Variants in WDR6 observed in about 807,000 individuals in gnomAD.
WDR6 encodes WD repeat domain 6.
WDR6 carries 58 observed loss-of-function variants against 85.6 expected under a neutral mutation model. That is an observed-to-expected ratio of 0.68 (90% confidence interval 0.55 to 0.84). WDR6 has a LOEUF of 0.84. Ranked by LOEUF, WDR6 falls within the 40% of genes least tolerant of loss-of-function variation. The probability of loss-of-function intolerance (pLI) is 0.00; values close to 1 mark genes in which losing one functional copy is unlikely to be tolerated. For missense variants in WDR6, 1,310 were observed against 1,476.4 expected (o/e 0.89, Z 1.85); for synonymous variants, 569 against 582.2 (o/e 0.98, Z 0.33).
intron 1 of WDR6, among the ~76,000 whole-genome samples, chr3:49,009,949 A>G (rs1000433245): frequency 6.6e-6 from 1 of 151,584 alleles, no homozygotes; most frequent in Non-Finnish European, 1.5e-5. Context: ...GCTGGTCTCA[A>G]ACTCCTGGGC....
rs776524630 is a variant in WDR6, at chr3:49,015,508, T to C, written c.*220T>C. On this transcript the variant is annotated 3_prime_UTR_variant, in exon 6 of 6. Transcript: ENST00000608424. ...AGAACTTTGTAACAAACAGTACCAA[T>C]TTATTTTGGCCGTGGGTTTTTGCTT... is the stretch of plus-strand genomic sequence containing the variant. 2.7e-4 allele frequency: 432 copies of C among 1,587,670 alleles called. No individual in the cohort carries two copies. The highest frequency in any genetic ancestry group is 3.5e-4 in the Non-Finnish European group (403 of 1,161,362).
In WDR6 at chr3:49,013,665, G is replaced by A; in HGVS notation, c.2131G>A (p.Gly711Ser). The A allele has an allele frequency of 6.2e-7, 1 of 1,614,108 alleles. No individual in the cohort carries two copies. Among genetic ancestry groups the A allele is most frequent in the Non-Finnish European group, 8.5e-7 (1 of 1,180,000 alleles). The change falls in exon 2 of 6, where the codon GGC (glycine) becomes AGC (serine). Residue 711 changes from glycine (G) to serine (S), a missense_variant. Physicochemically the swap from Gly to Ser is moderately conservative, Grantham distance 56. Transcript: ENST00000608424. This position sits in a 1 kb window ranked among gnomAD's most constrained non-coding sequence, Gnocchi z 4.6. ...TGAGATCACTTGTGTAAAGCGTGTG[G>A]GCACCATTACCCTGGGGCCTGAATA... ...GREITCVKRV[G>S]TITLGPEYGV...
At position 49,012,542 on chromosome 3, in the gene WDR6, G is replaced by A. The variant is rs752973851; in HGVS notation, c.1008G>A (p.Gly336=). Residue 336 remains glycine, a synonymous_variant, in exon 2 of 6, where the codon GGG becomes GGA. Transcript: ENST00000608424. The surrounding 1 kb of genome is among the most constrained non-coding windows in gnomAD (Gnocchi z 4.4). The part of the protein sequence containing the change: ...HLVGRGYRGL[G]VSALCFKSRS... ...TAGGGCGTGGGTACCGGGGATTGGGGGTCTCGGCTCTCTGCTTCAAGTCCC... is the reference window on the plus strand; with the variant it reads ...TAGGGCGTGGGTACCGGGGATTGGGAGTCTCGGCTCTCTGCTTCAAGTCCC... 2 of 1,613,912 alleles carry A rather than the reference G, an allele frequency of 1.2e-6. No individual in the cohort carries two copies. The highest frequency in any genetic ancestry group is 1.7e-6 in the Non-Finnish European group (2 of 1,180,030).
rs144134222 is a variant in WDR6 at position 49,015,307 on chromosome 3, G to T, written c.*19G>T. 9 of 1,602,390 alleles carry T rather than the reference G, an allele frequency of 5.6e-6. No individual in the cohort carries two copies. Among genetic ancestry groups the T allele is most frequent in the Non-Finnish European group, 7.6e-6 (9 of 1,178,026 alleles). ...TGACTGAGGTATCCTGCGGTGGCTGGCGTGCTGGGCATGGGGCCTGCTCAC... is the reference window on the plus strand; with the variant it reads ...TGACTGAGGTATCCTGCGGTGGCTGTCGTGCTGGGCATGGGGCCTGCTCAC... On this transcript the variant is annotated 3_prime_UTR_variant, in exon 6 of 6. Transcript: ENST00000608424.
rs890333981 is a variant in WDR6, at chr3:49,013,185, G to A, written c.1651G>A (p.Gly551Arg). The A allele has an allele frequency of 5.6e-6, 9 of 1,612,558 alleles. No homozygotes were observed. Among genetic ancestry groups the A allele is most frequent in the African/African-American group, 1.3e-5 (1 of 74,904 alleles). The change falls in exon 2 of 6, where the codon GGG becomes AGG. Residue 551 changes from glycine (G) to arginine (R), a missense_variant. Coordinates refer to ENST00000608424, the MANE Select transcript of WDR6 (RefSeq NM_018031.6). This position sits in a 1 kb window ranked among gnomAD's most constrained non-coding sequence, Gnocchi z 4.6. ...PVVGSGSSGG[G>R]NAFTGLGPVS... ...AGTGGGTAGTGGTAGTAGTGGGGGT[G>A]GGAATGCTTTCACTGGGTTGGGCCC...
At chr3:49,010,760 G>T (rs1309144064) in intron 1 of WDR6, among the ~76,000 whole-genome samples, 1 of 151,684 alleles carries the variant, frequency 6.6e-6, no homozygotes, top group East Asian at 2.0e-4. Flanking sequence ...TGAGGCAGGA[G>T]AATGGCCTGA....
rs754916155 is a variant in WDR6, at chr3:49,014,691, C to A, written c.2875C>A (p.Pro959Thr). 4 of 1,613,176 alleles carry A rather than the reference C, an allele frequency of 2.5e-6. No individual in the cohort carries two copies. Among genetic ancestry groups the A allele is most frequent in the Middle Eastern group, 1.6e-4 (1 of 6,084 alleles). ...MLDHDSTVLE[P>T]PVDPGLPYRL... The stretch of plus-strand genomic sequence containing the variant: ...AGACCATGACTCCACTGTCCTGGAG[C>A]CTCCAGTGGATCCTGGGCTTCCCTA... Residue 959 changes from proline (P) to threonine (T), a missense_variant, in exon 5 of 6, where the codon CCT becomes ACT. Coordinates refer to ENST00000608424, the MANE Select transcript of WDR6 (RefSeq NM_018031.6). This position sits in a 1 kb window ranked among gnomAD's most constrained non-coding sequence, Gnocchi z 4.9.
At chr3:49,011,391 T>G in intron 1 of WDR6, 4 of 1,418,356 alleles carry the variant, frequency 2.8e-6, no homozygotes, top group East Asian at 2.7e-5. Flanking sequence ...GACCAAGGAT[T>G]TTCTTTTTTT....
chr3:49,010,208 C>CATCCTGGTGTT (rs2093006978), intron 1 of WDR6, among the ~76,000 whole-genome samples: 1 of 149,946 alleles, frequency 6.7e-6, no homozygotes, highest in South Asian at 2.1e-4. Flanking sequence ...AGATCGAGAC[C>CATCCTGGTGTT]ATCCTGGCTA....
chr3:49,010,892 C>T (rs1200004278), intron 1 of WDR6, among the ~76,000 whole-genome samples: 4 of 150,496 alleles, frequency 2.7e-5, no homozygotes, highest in Admixed American at 2.6e-4. Context: ...TGGTGGGCGC[C>T]TGTAATTCCA....
At chr3:49,009,312 C>T (rs78422608) in intron 1 of WDR6, among the ~76,000 whole-genome samples, 1 of 4,786 alleles carries the variant, frequency 2.1e-4, no homozygotes, top group African/African-American at 8.6e-4. Flanking sequence ...TTGCTCCCCA[C>T]CCCCCCCCCC....
rs765853260 is a variant in WDR6 at position 49,015,195 on chromosome 3, G to A, written c.3273G>A (p.Val1091=). 6.2e-7 allele frequency: 1 copy of A among 1,613,846 alleles called. No individual in the cohort carries two copies. Among genetic ancestry groups the A allele is most frequent in the Non-Finnish European group, 8.5e-7 (1 of 1,180,034 alleles). ...GCACTGTGTTCCATGTGCCTGATGT[G>A]GCTGACATGGACTGCTGGCCTGTGA... is the stretch of plus-strand genomic sequence containing the variant. The part of the protein sequence containing the change: ...MNSTVFHVPD[V]ADMDCWPVSP... Residue 1091 remains valine, a synonymous_variant, in exon 6 of 6, where the codon GTG becomes GTA. Transcript: ENST00000608424.
At chr3:49,009,557 T>A (rs2093003754) in intron 1 of WDR6, among the ~76,000 whole-genome samples, 1 of 152,104 alleles carries the variant, frequency 6.6e-6, no homozygotes. Context: ...GCATCATCCC[T>A]GGCCTTACTT....
In WDR6 at chr3:49,015,514, T is replaced by C. The variant is rs2093050977; in HGVS notation, c.*226T>C. ...TTGTAACAAACAGTACCAATTTATTTTGGCCGTGGGTTTTTGCTTTTTTTC... is the reference window on the plus strand; with the variant it reads ...TTGTAACAAACAGTACCAATTTATTCTGGCCGTGGGTTTTTGCTTTTTTTC... On this transcript the variant is annotated 3_prime_UTR_variant, in exon 6 of 6. Transcript: ENST00000608424. 1.3e-6 allele frequency: 2 copies of C among 1,594,638 alleles called. No individual in the cohort carries two copies. Among genetic ancestry groups the C allele is most frequent in the Admixed American group, 1.7e-5 (1 of 57,878 alleles).
At chr3:49,011,299 G>A (rs2093013142) in intron 1 of WDR6, 4 of 515,732 alleles carry the variant, frequency 7.8e-6, no homozygotes, top group Middle Eastern at 1.4e-3. Context: ...GGCTAGTCCT[G>A]AACCCCTGAC....
rs1341026993 is a variant in WDR6 at position 49,007,634 on chromosome 3, G to A, written c.100+103G>A. ...AAAGGGGTGCCCTGAGGAGAAGGAC[G>A]GGCAGCAGGTTGAGGCCGATCGGAG... is the stretch of plus-strand genomic sequence containing the variant. On this transcript the variant is annotated intron_variant, in intron 1 of 5. Transcript: ENST00000608424. This position sits in a 1 kb window ranked among gnomAD's most constrained non-coding sequence, Gnocchi z 5.1. 6 of 1,408,516 alleles carry A rather than the reference G, an allele frequency of 4.3e-6. No homozygotes were observed. In the East Asian group the frequency reaches 1.5e-4, roughly 36 times the overall value. 87.3% of individuals were successfully genotyped at this position (1,408,516 alleles called of 1,614,324 possible).
chr3:49,011,746 G>A lies in WDR6; in HGVS notation c.212G>A (p.Arg71Gln), dbSNP rs201472981. ...GHYLIHGFRV[R>Q]PEPNGDLDLE... is the part of the protein sequence containing the mutation. Reference sequence around the variant, plus strand: ...TATCTTATCCATGGCTTCCGGGTACGGCCAGAGCCTAATGGAGACCTTGAC... The same window carrying A: ...TATCTTATCCATGGCTTCCGGGTACAGCCAGAGCCTAATGGAGACCTTGAC... Residue 71 changes from arginine (R) to glutamine (Q), a missense_variant, in exon 2 of 6, where the codon CGG becomes CAG. By Grantham distance (43) the Arg-to-Gln change is conservative. Coordinates refer to ENST00000608424, the MANE Select transcript of WDR6 (RefSeq NM_018031.6). The A allele has an allele frequency of 4.5e-5, 72 of 1,614,060 alleles. No homozygotes were observed. The highest frequency in any genetic ancestry group is 5.1e-5 in the Non-Finnish European group (60 of 1,180,056).
Position 49,012,899 on chromosome 3 carries a change from A to G in WDR6, c.1365A>G (p.Ala455=), listed in dbSNP as rs1559896889. 7 of 1,613,810 alleles carry G rather than the reference A, an allele frequency of 4.3e-6. No individual in the cohort carries two copies. The highest frequency in any genetic ancestry group is 5.9e-6 in the Non-Finnish European group (7 of 1,179,936). Reference sequence around the variant, plus strand: ...GTTATGAGGAGCTCCTGTTGCTGGCATCGGGCCCTGGCGGGGTAGTAGCTT... The same window carrying G: ...GTTATGAGGAGCTCCTGTTGCTGGCGTCGGGCCCTGGCGGGGTAGTAGCTT... ...LRGYEELLLL[A]SGPGGVVACL... Residue 455 remains alanine (A), a synonymous_variant, in exon 2 of 6, where the codon GCA becomes GCG. Transcript: ENST00000608424. The surrounding 1 kb of genome is among the most constrained non-coding windows in gnomAD (Gnocchi z 4.4).
rs1345126370 is a variant in WDR6 at position 49,007,391 on chromosome 3, C to T, written c.-41C>T. 1 of 1,587,698 alleles carries T rather than the reference C, an allele frequency of 6.3e-7. No individual in the cohort carries two copies. On this transcript the variant is annotated 5_prime_UTR_variant, in exon 1 of 6. Transcript: ENST00000608424. This position sits in a 1 kb window ranked among gnomAD's most constrained non-coding sequence, Gnocchi z 5.1. ...GGCTCGTTCTCGCGAGAGTTCAGCT[C>T]CCTTCTTAGCCGTGGCTGCCTCAGC...
Sources: allele counts gnomAD v4.1 joint callset (sites outside exome capture counted in the v4.1 genomes callset), GRCh38; gene constraint gnomAD v4.1.1; non-coding constraint Gnocchi (gnomAD v3.1); transcripts MANE v1.5; gene names NCBI Gene and HGNC (gene_info 2026-07-23, HGNC 2026-07-21).